PDE1A: variants seen among roughly 807,000 people sequenced by gnomAD.
PDE1A encodes the protein dual specificity calcium/calmodulin-dependent 3',5'-cyclic nucleotide phosphodiesterase 1A.
A neutral mutation model predicts 61.7 loss-of-function variants in PDE1A; 35 were observed. The observed-to-expected ratio is 0.57, with a 90% CI of 0.43 to 0.75. PDE1A has a LOEUF of 0.75. PDE1A is among the 30% of genes least tolerant of loss of function. The pLI is 0.00. For missense variants in PDE1A, 597 were observed against 630.6 expected (o/e 0.95, Z 0.57); for synonymous variants, 232 against 213.2 (o/e 1.09, Z -0.77).
chr2:182,441,631 G>T (rs1006916376), intron 2 of PDE1A, among the ~76,000 whole-genome samples: 1 of 151,834 alleles, frequency 6.6e-6, no homozygotes, highest in East Asian at 1.9e-4. Flanking sequence ...TTCTATATAA[G>T]GTTCACTACT....
At position 182,412,393 on chromosome 2, in the gene PDE1A, G is replaced by A. The variant is rs77497092; in HGVS notation, c.53+14185C>T. ...TAGTTGCTGAAATCAAGTGGACCTCGCTTTGACTCCAAATTCTTCTACCCA... is the reference window on the plus strand; with the variant it reads ...TAGTTGCTGAAATCAAGTGGACCTCACTTTGACTCCAAATTCTTCTACCCA... On this transcript the variant is annotated intron_variant, in intron 1 of 13. Coordinates refer to ENST00000351439, the Ensembl canonical transcript of PDE1A. Among the ~76,000 whole-genome samples the A allele has an allele frequency of 5.1e-3, 777 of 152,214 alleles. 5 individuals carry two copies. Among genetic ancestry groups the A allele is most frequent in the African/African-American group, 0.018 (745 of 41,518 alleles).
intron 1 of PDE1A, among the ~76,000 whole-genome samples, chr2:182,388,600 A>T (rs1276889816): frequency 6.6e-6 from 1 of 152,156 alleles, no homozygotes; most frequent in Non-Finnish European, 1.5e-5. Flanking sequence ...TTAAAGAAAA[A>T]TTTAAAAATA....
the PDE1A span, among the ~76,000 whole-genome samples, chr2:182,713,282 T>A: frequency 2.6e-5 from 4 of 152,184 alleles, no homozygotes; most frequent in Non-Finnish European, 1.5e-5. Context: ...TCCTCTATTA[T>A]CCTACTTACT....
At chr2:182,280,827 AT>A (rs886079488) in intron 1 of PDE1A, among the ~76,000 whole-genome samples, 2 of 151,492 alleles carry the variant, frequency 1.3e-5, no homozygotes, top group Non-Finnish European at 3.0e-5. Flanking sequence ...GTAAGATTTT[AT>A]TTTTTTTGCT....
chr2:182,357,077 T>C (rs1249398094), intron 1 of PDE1A, among the ~76,000 whole-genome samples: 1 of 151,892 alleles, frequency 6.6e-6, no homozygotes, highest in Non-Finnish European at 1.5e-5. Flanking sequence ...ATATACCTAA[T>C]GTAAACGATG....
chr2:182,672,524 T>C, the PDE1A span, among the ~76,000 whole-genome samples: 1 of 152,178 alleles, frequency 6.6e-6, no homozygotes, highest in East Asian at 1.9e-4. Context: ...AAAGAGAATT[T>C]ATAAAAGAAA....
chr2:182,212,220 TGTCTTG>T (rs1471551388), intron 7 of PDE1A, among the ~76,000 whole-genome samples: 1 of 149,364 alleles, frequency 6.7e-6, no homozygotes, highest in Non-Finnish European at 1.5e-5. Flanking sequence ...TACGAGATAA[TGTCTTG>T]AAACATATAT....
At chr2:182,482,579 T>C (rs1687771240) in intron 2 of PDE1A, among the ~76,000 whole-genome samples, 2 of 151,774 alleles carry the variant, frequency 1.3e-5, no homozygotes, top group Non-Finnish European at 2.9e-5. Flanking sequence ...GATCTAGAAA[T>C]CAACCACGGG....
chr2:182,518,897 C>G (rs756452094), intron 2 of PDE1A, among the ~76,000 whole-genome samples: 2 of 151,952 alleles, frequency 1.3e-5, no homozygotes, highest in Non-Finnish European at 2.9e-5. Context: ...AGCAATGTCA[C>G]TAACTGGAAA....
At chr2:182,158,999 C>G (rs1422934800) in intron 13 of PDE1A, among the ~76,000 whole-genome samples, 1 of 151,958 alleles carries the variant, frequency 6.6e-6, no homozygotes, top group Non-Finnish European at 1.5e-5. Context: ...GTTATATTAG[C>G]CAAAGTATAA....
chr2:182,527,706 C>T (rs1227365592), upstream of PDE1A, among the ~76,000 whole-genome samples: 2 of 151,904 alleles, frequency 1.3e-5, no homozygotes, highest in Non-Finnish European at 2.9e-5. Context: ...GGCTGTGTTC[C>T]CATCCAAATC....
the PDE1A span, among the ~76,000 whole-genome samples, chr2:182,534,496 T>C: frequency 6.6e-6 from 1 of 151,938 alleles, no homozygotes; most frequent in African/African-American, 2.4e-5. Flanking sequence ...TTAAATTTTT[T>C]CTTTCAAATT....
chr2:182,304,880 A>G (rs1422489440), intron 1 of PDE1A, among the ~76,000 whole-genome samples: 1 of 152,218 alleles, frequency 6.6e-6, no homozygotes, highest in East Asian at 1.9e-4. Context: ...ACACAGAGAC[A>G]TGAAATAAGC....
rs544357445 is a variant in PDE1A at position 182,290,403 on chromosome 2, C to A, written c.54-25989G>T. On this transcript the variant is annotated intron_variant, in intron 1 of 13. Coordinates refer to ENST00000351439, the Ensembl canonical transcript of PDE1A. Reference sequence around the variant, plus strand: ...AAAGCCTTCAGGTGTTTACTAATTTCTCTCAACCTTACGGCTATTGTCTAG... The same window carrying A: ...AAAGCCTTCAGGTGTTTACTAATTTATCTCAACCTTACGGCTATTGTCTAG... Among the ~76,000 whole-genome samples, 271 of 152,178 alleles carry A rather than the reference C, an allele frequency of 1.8e-3. 1 individual carries two copies. The highest frequency in any genetic ancestry group is 6.4e-3 in the African/African-American group (265 of 41,522).
the PDE1A span, among the ~76,000 whole-genome samples, chr2:182,566,447 A>G: frequency 6.6e-6 from 1 of 151,912 alleles, no homozygotes; most frequent in Admixed American, 6.6e-5. Context: ...GAAAGATTTC[A>G]GCAATTTTAC....
At chr2:182,398,333 C>T (rs917754568) in intron 1 of PDE1A, among the ~76,000 whole-genome samples, 1 of 151,768 alleles carries the variant, frequency 6.6e-6, no homozygotes, top group African/African-American at 2.4e-5. Context: ...TCTTATGCCA[C>T]TTGACTCCTA....
chr2:182,162,607 A>G (rs1230621952), intron 13 of PDE1A, among the ~76,000 whole-genome samples: 2 of 152,132 alleles, frequency 1.3e-5, no homozygotes, highest in Admixed American at 6.6e-5. Context: ...TAAAATTTAT[A>G]CTGTTAATCT....
chr2:182,665,921 A>G, the PDE1A span, among the ~76,000 whole-genome samples: 1 of 152,218 alleles, frequency 6.6e-6, no homozygotes, highest in Non-Finnish European at 1.5e-5. Flanking sequence ...TTGCAGGAAC[A>G]TGGATAGAGC....
chr2:182,197,417 A>AT (rs527948126), intron 10 of PDE1A, among the ~76,000 whole-genome samples: 39 of 143,542 alleles, frequency 2.7e-4, no homozygotes, highest in East Asian at 1.8e-3. Flanking sequence ...TTTCCACTTC[A>AT]TTTTTTTTTT....
Sources: allele counts gnomAD v4.1 joint callset (sites outside exome capture counted in the v4.1 genomes callset), GRCh38; gene constraint gnomAD v4.1.1; transcripts MANE v1.5; gene names NCBI Gene and HGNC (gene_info 2026-07-23, HGNC 2026-07-21).